The following RBFOX1 variants were observed in gnomAD, a reference collection of about 807,000 sequenced individuals.
RBFOX1 encodes RNA binding protein fox-1 homolog 1.
RBFOX1 carries 8 observed loss-of-function variants against 57.7 expected under a neutral mutation model. That is an observed-to-expected ratio of 0.14 (90% CI 0.08 to 0.25). The LOEUF (loss-of-function observed/expected upper bound fraction) is 0.25. RBFOX1 is among the 10% of genes least tolerant of loss of function. The pLI is 1.00. For missense variants in RBFOX1, 611 were observed against 548.5 expected (o/e 1.11, Z -1.14); for synonymous variants, 326 against 222.4 (o/e 1.47, Z -4.15).
At chr16:6,215,765 T>G (rs2097331989) in intron 1 of RBFOX1, among the ~76,000 whole-genome samples, 2 of 152,144 alleles carry the variant, frequency 1.3e-5, no homozygotes, top group Non-Finnish European at 1.5e-5. Context: ...AAAGCAAGTA[T>G]TCTGTGGTAT....
At chr16:7,318,415 G>A (rs370500517) in intron 4 of RBFOX1, among the ~76,000 whole-genome samples, 7 of 152,102 alleles carry the variant, frequency 4.6e-5, no homozygotes, top group Non-Finnish European at 7.4e-5. Context: ...TAGATGCAGC[G>A]TGGTAGAATA....
intron 4 of RBFOX1, among the ~76,000 whole-genome samples, chr16:7,200,424 A>G (rs141051352): frequency 9.5e-4 from 145 of 152,326 alleles, no homozygotes; most frequent in African/African-American, 3.3e-3. Flanking sequence ...TGCTCTCTCC[A>G]TATTCAGCAA....
chr16:7,656,444 A>T (rs565171266), intron 12 of RBFOX1, among the ~76,000 whole-genome samples: 1 of 151,060 alleles, frequency 6.6e-6, no homozygotes, highest in Non-Finnish European at 1.5e-5. Flanking sequence ...AGCTGGCTGG[A>T]AGAGCAAGAA....
intron 2 of RBFOX1, among the ~76,000 whole-genome samples, chr16:6,395,600 C>G (rs939694004): frequency 1.3e-5 from 2 of 151,744 alleles, no homozygotes; most frequent in Admixed American, 6.6e-5. Flanking sequence ...GAGTTATTAC[C>G]TTACTACAGA....
At chr16:5,339,380 C>G (rs117932821) in intron 1 of RBFOX1, among the ~76,000 whole-genome samples, 2,677 of 147,018 alleles carry the variant, frequency 0.018, 25 homozygotes, top group South Asian at 0.048. Flanking sequence ...CTGGCCTTAA[C>G]AAAGGCAATG....
At chr16:5,843,398 G>T (rs563594025) in intron 3 of RBFOX1, among the ~76,000 whole-genome samples, 9 of 152,284 alleles carry the variant, frequency 5.9e-5, no homozygotes, top group African/African-American at 1.9e-4. Flanking sequence ...TTGGTTTTCT[G>T]TTCCAGCATT....
At chr16:7,452,269 A>G (rs776220395) in intron 4 of RBFOX1, among the ~76,000 whole-genome samples, 2 of 152,228 alleles carry the variant, frequency 1.3e-5, no homozygotes, top group Non-Finnish European at 2.9e-5. Context: ...ATTTAGGGTA[A>G]CAATGTAGCT....
intron 1 of RBFOX1, among the ~76,000 whole-genome samples, chr16:6,170,168 A>G (rs144362470): frequency 7.4e-4 from 113 of 152,296 alleles, no homozygotes; most frequent in African/African-American, 2.6e-3. Flanking sequence ...TATATGTGTG[A>G]GGCTATGGCA....
intron 3 of RBFOX1, among the ~76,000 whole-genome samples, chr16:5,694,215 A>G (rs531414125): frequency 1.3e-5 from 2 of 152,326 alleles, no homozygotes; most frequent in South Asian, 4.1e-4. Context: ...TATGTGTGCA[A>G]GCCTGAGGGG....
intron 2 of RBFOX1, chr16:6,573,807 G>C (rs1296214723): frequency 1.3e-5 from 2 of 152,198 alleles, no homozygotes; most frequent in Admixed American, 6.5e-5. Flanking sequence ...GGCTCTCTCT[G>C]AGCACCGTGG....
intron 1 of RBFOX1, among the ~76,000 whole-genome samples, chr16:6,060,183 T>G (rs1033205524): frequency 3.6e-5 from 5 of 138,850 alleles, no homozygotes; most frequent in African/African-American, 1.4e-4. Flanking sequence ...TGGAGAAACA[T>G]CTTGCTTACT....
chr16:7,289,430 CCAT>C (rs976130475), intron 4 of RBFOX1, among the ~76,000 whole-genome samples: 3 of 152,088 alleles, frequency 2.0e-5, no homozygotes, highest in African/African-American at 7.2e-5. Context: ...ATCACCATCA[CCAT>C]CATCATTACC....
intron 3 of RBFOX1, among the ~76,000 whole-genome samples, chr16:5,769,864 A>G (rs1226126537): frequency 1.3e-5 from 2 of 152,236 alleles, no homozygotes; most frequent in African/African-American, 2.4e-5. Context: ...GAGCCACCCA[A>G]TTTGTGGTAC....
chr16:5,582,682 C>T (rs1185664141), intron 2 of RBFOX1, among the ~76,000 whole-genome samples: 1 of 151,092 alleles, frequency 6.6e-6, no homozygotes, highest in Non-Finnish European at 1.5e-5. Flanking sequence ...TCCCAAGTAG[C>T]TGGGACCACA....
At chr16:6,478,814 G>A (rs906949607) in intron 2 of RBFOX1, among the ~76,000 whole-genome samples, 6 of 152,012 alleles carry the variant, frequency 3.9e-5, no homozygotes, top group African/African-American at 1.4e-4. Context: ...TCTTATATGG[G>A]CACAGTTTTT....
chr16:6,638,738 A>T (rs2098463923), intron 2 of RBFOX1, among the ~76,000 whole-genome samples: 1 of 152,018 alleles, frequency 6.6e-6, no homozygotes, highest in Non-Finnish European at 1.5e-5. Flanking sequence ...GAGGAAAAAC[A>T]AAAGAGACTT....
chr16:7,374,503 A>T (rs1046920284), intron 4 of RBFOX1, among the ~76,000 whole-genome samples: 4 of 152,172 alleles, frequency 2.6e-5, no homozygotes, highest in African/African-American at 7.2e-5. Flanking sequence ...CCTTAAGCCA[A>T]TATGTATATT....
intron 3 of RBFOX1, among the ~76,000 whole-genome samples, chr16:6,952,548 G>A (rs1367349906): frequency 6.6e-6 from 1 of 151,994 alleles, no homozygotes; most frequent in African/African-American, 2.4e-5. Flanking sequence ...TGAGGTAGGA[G>A]AATCACTTAG....
intron 14 of RBFOX1, among the ~76,000 whole-genome samples, chr16:7,701,432 A>T (rs1277821855): frequency 6.6e-6 from 1 of 152,116 alleles, no homozygotes; most frequent in Admixed American, 6.6e-5. Context: ...CCCTACTGTA[A>T]ACTGTGCATG....
Sources: allele counts gnomAD v4.1 joint callset (sites outside exome capture counted in the v4.1 genomes callset), GRCh38; gene constraint gnomAD v4.1.1; transcripts MANE v1.5; gene names NCBI Gene and HGNC (gene_info 2026-07-23, HGNC 2026-07-21).